DSCC1: variants seen among roughly 807,000 people sequenced by gnomAD.
The protein encoded by DSCC1 is sister chromatid cohesion protein DCC1.
DSCC1 carries 32 observed loss-of-function variants against 48.2 expected under a neutral mutation model. That is an observed-to-expected ratio of 0.66 (90% CI 0.50 to 0.89). DSCC1 has a LOEUF of 0.89. Among genes scored for constraint, DSCC1 ranks in the 40% least tolerant of loss-of-function variants. The probability of loss-of-function intolerance (pLI) is 0.00; values close to 1 mark genes in which losing one functional copy is unlikely to be tolerated. For synonymous variants in DSCC1, 150 were observed against 171.5 expected, an observed-to-expected ratio of 0.87 and a Z score of 0.98; for missense variants, 421 against 471.7, an observed-to-expected ratio of 0.89 and a Z score of 1.00.
intron 8 of DSCC1, among the ~76,000 whole-genome samples, chr8:119,836,149 C>T (rs533751163): frequency 1.3e-5 from 2 of 152,286 alleles, no homozygotes; most frequent in African/African-American, 4.8e-5. Context: ...CCTGTCTCTA[C>T]TAAAAACACA....
At chr8:119,842,023 G>C in intron 6 of DSCC1, 75 bp from the exon 7 acceptor site, 2 of 1,493,264 alleles carry the variant, frequency 1.3e-6, no homozygotes, top group Non-Finnish European at 1.8e-6. Context: ...CCTTTTCTTT[G>C]CTGCAGTTTC....
intron 4 of DSCC1, among the ~76,000 whole-genome samples, chr8:119,845,235 G>A (rs920407638): frequency 2.0e-5 from 3 of 151,898 alleles, no homozygotes; most frequent in Non-Finnish European, 2.9e-5. Flanking sequence ...ATAGGCATGC[G>A]CCAACATGCC....
chr8:119,849,109 C>T (rs1012788204), intron 3 of DSCC1, among the ~76,000 whole-genome samples: 5 of 143,670 alleles, frequency 3.5e-5, no homozygotes, highest in African/African-American at 5.2e-5. Context: ...GGCGTGAACC[C>T]GGGAGGCGGA....
Position 119,855,636 on chromosome 8 carries a change from G to A in DSCC1, c.160C>T (p.Gln54Ter), listed in dbSNP as rs1467598625. The change falls in exon 1 of 9, where the codon CAG becomes TAG. Residue 54 changes from glutamine to a stop codon, truncating the protein, a stop_gained. Coordinates refer to ENST00000313655, the MANE Select transcript of DSCC1 (RefSeq NM_024094.3). LOFTEE classifies it high-confidence loss of function. ...CLLELEPTLCQQLEDGHSLVI... is the reference protein window; with the variant it reads ...CLLELEPTLC ...CACCTGTGTCCATCCTCCAGCTGCT[G>A]GCACAGCGTGGGCTCCAGCTCCAGC... The A allele has an allele frequency of 5.2e-6, 8 of 1,546,096 alleles. No individual in the cohort carries two copies. The highest frequency in any genetic ancestry group is 7.0e-6 in the Non-Finnish European group (8 of 1,146,280).
rs762769524 is a variant in DSCC1 at position 119,838,382 on chromosome 8, G to A, written c.950C>T (p.Ser317Leu). 11 of 1,605,554 alleles carry A rather than the reference G, an allele frequency of 6.9e-6. No homozygotes were observed. The highest frequency in any genetic ancestry group is 2.2e-5 in the East Asian group (1 of 44,740). Residue 317 changes from serine to leucine, a missense_variant, in exon 8 of 9, where the codon TCG (serine) becomes TTG (leucine). Around this residue, in one of 3 missense-constraint regions of DSCC1, gnomAD observed 238 missense variants for 259.0 expected, o/e 0.92. Coordinates refer to ENST00000313655, the MANE Select transcript of DSCC1 (RefSeq NM_024094.3). The part of the protein sequence containing the change: ...LKGLALVDRH[S>L]RPEIIFLLKV... ...CAGCAAAAATATGATTTCTGGTCTCGAGTGTCTATCCACCAGCGCTAAACC... is the reference window on the plus strand; with the variant it reads ...CAGCAAAAATATGATTTCTGGTCTCAAGTGTCTATCCACCAGCGCTAAACC...
At chr8:119,847,164 T>C (rs565353159) in intron 3 of DSCC1, 84 bp from the exon 4 acceptor site, 9 of 1,158,008 alleles carry the variant, frequency 7.8e-6, no homozygotes, top group Non-Finnish European at 1.1e-5. Flanking sequence ...AATAAATACA[T>C]AGAACAGATT....
Position 119,847,992 on chromosome 8 carries a change from T to TAAAAAA in DSCC1, c.487-913_487-912insTTTTTT, listed in dbSNP as rs113250934. Reference sequence around the variant, plus strand: ...TTTTTGTTTTTGTTTTTGTTTTTTTTAAATACAGAGTCTCACTCTGCCATC... The same window carrying TAAAAAA: ...TTTTTGTTTTTGTTTTTGTTTTTTTTAAAAAAAAATACAGAGTCTCACTCTGCCATC... On this transcript the variant is annotated intron_variant, in intron 3 of 8. Transcript: ENST00000313655. Among the ~76,000 whole-genome samples the TAAAAAA allele has an allele frequency of 2.6e-3, 396 of 151,288 alleles. 1 individual carries two copies. Among genetic ancestry groups the TAAAAAA allele is most frequent in the African/African-American group, 8.9e-3 (367 of 41,230 alleles).
chr8:119,843,023 T>C (rs1254864729), intron 5 of DSCC1, among the ~76,000 whole-genome samples, 195 bp from the exon 6 acceptor site: 1 of 152,198 alleles, frequency 6.6e-6, no homozygotes, highest in Non-Finnish European at 1.5e-5. Context: ...CCAGGCCCCA[T>C]GCTAAACATT....
chr8:119,841,809 A>C lies in DSCC1; in HGVS notation c.909T>G (p.Ser303Arg). The change falls in exon 7 of 9, where the codon AGT becomes AGG. Residue 303 changes from serine (S) to arginine (R), a missense_variant. By Grantham distance (110) the Ser-to-Arg change is moderately radical. Coordinates refer to ENST00000313655, the MANE Select transcript of DSCC1 (RefSeq NM_024094.3). Reference sequence around the variant, plus strand: ...TTGCTATTACCTTAAGCTGATCAAGACTAGTTACCATTCCTTCAGGAACAC... The same window carrying C: ...TTGCTATTACCTTAAGCTGATCAAGCCTAGTTACCATTCCTTCAGGAACAC... The part of the protein sequence containing the change: ...QQSVPEGMVT[S>R]LDQLKGLALV... 1 of 1,613,934 alleles carries C rather than the reference A, an allele frequency of 6.2e-7. No homozygotes were observed. The highest frequency in any genetic ancestry group is 8.5e-7 in the Non-Finnish European group (1 of 1,179,964).
intron 7 of DSCC1, 115 bp downstream of exon 7, chr8:119,841,679 T>G (rs1826771799): frequency 7.9e-6 from 9 of 1,140,164 alleles, no homozygotes; most frequent in Middle Eastern, 2.1e-4. Flanking sequence ...GTACATGCAC[T>G]CCTAATGGGT....
rs560208420 is a variant in DSCC1, at chr8:119,836,262, G to A, written c.1074-1261C>T. Among the ~76,000 whole-genome samples the A allele has an allele frequency of 5.2e-4, 79 of 152,268 alleles. No individual in the cohort carries two copies. In the South Asian group the frequency reaches 0.015, roughly 29 times the overall value. ...CGGGAGGCAAATGTTGCAGTGAGCCGATATCACACCACTGCACTCCAACCT... is the reference window on the plus strand; with the variant it reads ...CGGGAGGCAAATGTTGCAGTGAGCCAATATCACACCACTGCACTCCAACCT... On this transcript the variant is annotated intron_variant, in intron 8 of 8. Coordinates refer to ENST00000313655, the MANE Select transcript of DSCC1 (RefSeq NM_024094.3).
intron 4 of DSCC1, among the ~76,000 whole-genome samples, chr8:119,844,255 T>C (rs551256041): frequency 2.6e-5 from 4 of 152,064 alleles, no homozygotes; most frequent in African/African-American, 7.2e-5. Context: ...CTGGCCAACA[T>C]AGTGAAACCC....
rs752577100 is a variant in DSCC1 at position 119,838,265 on chromosome 8, T to G, written c.1067A>C (p.Tyr356Ser). The G allele has an allele frequency of 6.3e-7, 1 of 1,581,716 alleles. No homozygotes were observed. Among genetic ancestry groups the G allele is most frequent in the Non-Finnish European group, 8.6e-7 (1 of 1,168,722 alleles). Reference sequence around the variant, plus strand: ...TCTTTAATAAATTACTTACTGAATATATGGAGCAATATCTTCTTCTGTCCA... The same window carrying G: ...TCTTTAATAAATTACTTACTGAATAGATGGAGCAATATCTTCTTCTGTCCA... The part of the protein sequence containing the change: ...EKWTEEDIAP[Y>S]IQDLCGEKQT... The change falls in exon 8 of 9, where the codon TAT becomes TCT. Residue 356 changes from tyrosine (Y) to serine (S), a missense_variant. By Grantham distance (144) the Tyr-to-Ser change is moderately radical. Coordinates refer to ENST00000313655, the MANE Select transcript of DSCC1 (RefSeq NM_024094.3).
chr8:119,842,837 T>C lies in DSCC1; in HGVS notation c.717-9A>G, dbSNP rs753083376. 1.3e-6 allele frequency: 2 copies of C among 1,592,030 alleles called. No homozygotes were observed. The highest frequency in any genetic ancestry group is 1.7e-6 in the Non-Finnish European group (2 of 1,171,866). ...AGTGTTCTATCATTTCCCTGAAAAA[T>C]TTAAAACACCCACTTGAAAAGTTAT... is the stretch of plus-strand genomic sequence containing the variant. On this transcript the variant is annotated splice_polypyrimidine_tract_variant and intron_variant, in intron 5 of 8. Coordinates refer to ENST00000313655, the MANE Select transcript of DSCC1 (RefSeq NM_024094.3).
In DSCC1 at chr8:119,834,940, T is replaced by G; in HGVS notation, c.1135A>C (p.Met379Leu). 2 of 1,611,590 alleles carry G rather than the reference T, an allele frequency of 1.2e-6. No homozygotes were observed. Among genetic ancestry groups the G allele is most frequent in the Non-Finnish European group, 1.7e-6 (2 of 1,178,520 alleles). The change falls in exon 9 of 9, where the codon ATG (methionine) becomes CTG (leucine). Residue 379 changes from methionine to leucine, a missense_variant. Met to Leu is a conservative substitution (Grantham distance 15). This residue lies in a region of DSCC1 where 238 missense variants were observed against 259.0 expected (regional missense o/e 0.92). Coordinates refer to ENST00000313655, the MANE Select transcript of DSCC1 (RefSeq NM_024094.3). ...TTATAAACTTTAACACCATTTTGCA[T>G]CGAAGAATGAGAATATTTAGTGAGT... The part of the protein sequence containing the change: ...ALLTKYSHSS[M>L]QNGVKVYNSR...
At chr8:119,835,908 C>T (rs957751467) in intron 8 of DSCC1, among the ~76,000 whole-genome samples, 7 of 152,108 alleles carry the variant, frequency 4.6e-5, no homozygotes, top group East Asian at 1.9e-4. Context: ...AGCTAGATCA[C>T]GTAGAACCTT....
chr8:119,848,298 C>T (rs960734102), intron 3 of DSCC1, among the ~76,000 whole-genome samples: 4 of 152,064 alleles, frequency 2.6e-5, no homozygotes, highest in Admixed American at 6.6e-5. Context: ...GTATATTTTA[C>T]TCCAATTGAA....
intron 4 of DSCC1, 43 bp downstream of exon 4, chr8:119,846,947 T>C (rs752386796): frequency 2.5e-6 from 4 of 1,570,190 alleles, no homozygotes; most frequent in Non-Finnish European, 2.6e-6. Flanking sequence ...TCCCTTATGA[T>C]GCCCAATTTC....
chr8:119,838,828 G>A (rs1056014136), intron 7 of DSCC1: 1 of 152,834 alleles, frequency 6.5e-6, no homozygotes, highest in Non-Finnish European at 1.5e-5. Context: ...CTGCCTCCTG[G>A]GTTCAAGAGA....
Sources: gnomAD v4.1 joint callset for allele counts (sites outside exome capture counted in the v4.1 genomes callset) on GRCh38, gnomAD v4.1.1 for gene constraint, gnomAD v4.1.1 regional missense constraint, MANE v1.5 for transcripts, NCBI Gene and HGNC (gene_info 2026-07-23, HGNC 2026-07-21) for gene names.